Variants in SHISA6 observed in about 807,000 individuals in gnomAD.
SHISA6 encodes protein shisa-6.
SHISA6 carries 22 observed loss-of-function variants against 47.9 expected under a neutral mutation model. The ratio of observed to expected loss-of-function variants is 0.46; its 90% CI spans 0.33 to 0.66. SHISA6 has a LOEUF of 0.66. Ranked by LOEUF, SHISA6 falls within the 30% of genes least tolerant of loss-of-function variation. The pLI is 0.02. For missense variants in SHISA6, 680 were observed against 764.6 expected (o/e 0.89, Z 1.30); for synonymous variants, 388 against 337.8 (o/e 1.15, Z -1.63).
At chr17:11,427,326 G>A (rs571141050) in intron 3 of SHISA6, among the ~76,000 whole-genome samples, 2 of 152,188 alleles carry the variant, frequency 1.3e-5, no homozygotes, top group African/African-American at 4.8e-5. Context: ...GTAGAGACGG[G>A]GTTTCACCAT....
intron 2 of SHISA6, among the ~76,000 whole-genome samples, chr17:11,340,602 T>C (rs1911488150): frequency 6.6e-6 from 1 of 152,068 alleles, no homozygotes; most frequent in Non-Finnish European, 1.5e-5. Context: ...CTTGATGGAG[T>C]GGCCATGTGC....
intron 2 of SHISA6, among the ~76,000 whole-genome samples, chr17:11,277,297 C>G (rs1168729326): frequency 3.3e-5 from 5 of 150,160 alleles, no homozygotes; most frequent in African/African-American, 1.2e-4. Flanking sequence ...CACACACACA[C>G]ACACACACAC....
chr17:11,304,822 C>T (rs184674443), intron 2 of SHISA6, among the ~76,000 whole-genome samples: 34 of 152,200 alleles, frequency 2.2e-4, no homozygotes, highest in Non-Finnish European at 3.7e-4. Context: ...GATGAGGGCT[C>T]GGTGCCAGGC....
chr17:11,265,461 C>A (rs928818280), intron 2 of SHISA6, among the ~76,000 whole-genome samples: 3 of 152,104 alleles, frequency 2.0e-5, no homozygotes, highest in Non-Finnish European at 4.4e-5. Flanking sequence ...CTAACACTTC[C>A]CAGGTGATTC....
At chr17:11,401,639 T>TA (rs1209155000) in intron 3 of SHISA6, among the ~76,000 whole-genome samples, 1 of 152,202 alleles carries the variant, frequency 6.6e-6, no homozygotes, top group Non-Finnish European at 1.5e-5. Context: ...ATGAGAGCAA[T>TA]TTAAAAATTT....
At chr17:11,405,620 G>T (rs1913925903) in intron 3 of SHISA6, among the ~76,000 whole-genome samples, 1 of 152,058 alleles carries the variant, frequency 6.6e-6, no homozygotes, top group African/African-American at 2.4e-5. Context: ...TGGCCAACAT[G>T]GTGAAACCCT....
intron 3 of SHISA6, among the ~76,000 whole-genome samples, chr17:11,469,120 G>C (rs1035261942): frequency 6.6e-6 from 1 of 151,070 alleles, no homozygotes; most frequent in Non-Finnish European, 1.5e-5. Flanking sequence ...TGAACCCTCT[G>C]TGGTAGCAAA....
intron 3 of SHISA6, among the ~76,000 whole-genome samples, chr17:11,492,520 G>C (rs1264519251): frequency 6.6e-6 from 1 of 152,118 alleles, no homozygotes; most frequent in Non-Finnish European, 1.5e-5. Context: ...TATGAATGTT[G>C]TCAATCATAA....
At chr17:11,462,613 T>G (rs117049217) in intron 3 of SHISA6, among the ~76,000 whole-genome samples, 4 of 152,240 alleles carry the variant, frequency 2.6e-5, no homozygotes, top group South Asian at 2.1e-4. Flanking sequence ...GTGGGGTTTT[T>G]TTTGTTTGTT....
intron 2 of SHISA6, among the ~76,000 whole-genome samples, chr17:11,303,930 G>A (rs1338587560): frequency 6.6e-6 from 1 of 152,186 alleles, no homozygotes; most frequent in Admixed American, 6.5e-5. Context: ...GCAGGTGCCC[G>A]AGAAGAGGCC....
intron 1 of SHISA6, among the ~76,000 whole-genome samples, chr17:11,253,753 A>C (rs1907905980): frequency 6.6e-6 from 1 of 151,832 alleles, no homozygotes; most frequent in Non-Finnish European, 1.5e-5. Flanking sequence ...TATTTCCTTG[A>C]GTTTTTAGAA....
At chr17:11,552,516 G>C (rs1462080045) in intron 4 of SHISA6, among the ~76,000 whole-genome samples, 1 of 152,138 alleles carries the variant, frequency 6.6e-6, no homozygotes, top group Non-Finnish European at 1.5e-5. Context: ...GATCACAGCT[G>C]AACAGAGAAA....
chr17:11,334,801 T>C (rs1183228108), intron 2 of SHISA6, among the ~76,000 whole-genome samples: 1 of 152,222 alleles, frequency 6.6e-6, no homozygotes, highest in Non-Finnish European at 1.5e-5. Context: ...CTGTAGGATC[T>C]TTAAACTGTG....
At chr17:11,447,878 C>T (rs1915276253) in intron 3 of SHISA6, among the ~76,000 whole-genome samples, 1 of 152,160 alleles carries the variant, frequency 6.6e-6, no homozygotes, top group Admixed American at 6.5e-5. Context: ...GCTTATAAGC[C>T]AGTGGAAGCT....
intron 2 of SHISA6, among the ~76,000 whole-genome samples, chr17:11,323,599 A>G (rs1043006118): frequency 6.6e-6 from 1 of 152,088 alleles, no homozygotes; most frequent in African/African-American, 2.4e-5. Context: ...GGTTGCAGTG[A>G]GCCGAGATCG....
intron 2 of SHISA6, among the ~76,000 whole-genome samples, chr17:11,364,918 T>C (rs1912395035): frequency 6.6e-6 from 1 of 152,184 alleles, no homozygotes; most frequent in Admixed American, 6.5e-5. Context: ...GGTATTACAT[T>C]ACAGTTAAAA....
intron 5 of SHISA6, among the ~76,000 whole-genome samples, chr17:11,557,082 G>C (rs531517517): frequency 7.2e-5 from 11 of 152,308 alleles, no homozygotes; most frequent in Non-Finnish European, 2.9e-5. Context: ...GGTGGAGTGT[G>C]TGTAGGCTGA....
chr17:11,399,876 G>A (rs1913705434), intron 3 of SHISA6, among the ~76,000 whole-genome samples: 2 of 152,096 alleles, frequency 1.3e-5, no homozygotes, highest in South Asian at 4.1e-4. Context: ...CACTGTCAAA[G>A]GTCCCTGAGA....
chr17:11,545,751 C>G (rs1301002261), intron 3 of SHISA6, among the ~76,000 whole-genome samples: 1 of 152,152 alleles, frequency 6.6e-6, no homozygotes, highest in African/African-American at 2.4e-5. Context: ...AAGTCTTGTC[C>G]CCTCACAGGG....
Sources: gnomAD v4.1 joint callset for allele counts (sites outside exome capture counted in the v4.1 genomes callset) on GRCh38, gnomAD v4.1.1 for gene constraint, MANE v1.5 for transcripts, NCBI Gene and HGNC (gene_info 2026-07-23, HGNC 2026-07-21) for gene names.